GABRB3: variants seen among roughly 807,000 people sequenced by gnomAD.
GABRB3 encodes the protein gamma-aminobutyric acid type A receptor subunit beta3, also known as gamma-aminobutyric acid receptor subunit beta-3.
GABRB3 carries 14 observed loss-of-function variants against 52.1 expected under a neutral mutation model. The ratio of observed to expected loss-of-function variants is 0.27; its 90% CI spans 0.18 to 0.42. GABRB3 has a LOEUF of 0.42. GABRB3 is among the 10% of genes least tolerant of loss of function. GABRB3 has a pLI of 1.00. For synonymous variants in GABRB3, 260 were observed against 232.3 expected (o/e 1.12, Z -1.08); for missense variants, 307 against 609.1 (o/e 0.50, Z 5.22).
At chr15:26,673,819 T>A (rs1046631984) in intron 3 of GABRB3, among the ~76,000 whole-genome samples, 4 of 152,206 alleles carry the variant, frequency 2.6e-5, no homozygotes, top group Non-Finnish European at 5.9e-5. Context: ...TGGAATGGAA[T>A]AGAGCTAGAA....
intron 4 of GABRB3, among the ~76,000 whole-genome samples, chr15:26,608,734 T>C (rs528304499): frequency 1.3e-5 from 2 of 152,134 alleles, no homozygotes; most frequent in East Asian, 1.9e-4. Flanking sequence ...GAAACACAAA[T>C]TGAAACTACA....
chr15:26,709,785 G>C (rs529888868), intron 3 of GABRB3, among the ~76,000 whole-genome samples: 2 of 152,046 alleles, frequency 1.3e-5, no homozygotes, highest in South Asian at 4.2e-4. Context: ...CCAAAGTGCT[G>C]GGATTACAGG....
chr15:26,581,982 T>C (rs1458835151), intron 5 of GABRB3, among the ~76,000 whole-genome samples: 3 of 152,162 alleles, frequency 2.0e-5, no homozygotes, highest in African/African-American at 7.2e-5. Flanking sequence ...GGATAAACTT[T>C]GGGTTGATGA....
chr15:26,561,206 G>T (rs766326650), intron 7 of GABRB3, 30 bp from the exon 8 acceptor site: 1 of 1,611,860 alleles, frequency 6.2e-7, no homozygotes, highest in Non-Finnish European at 8.5e-7. Context: ...GTGAGAGGCT[G>T]AAACTTTGCC....
intron 3 of GABRB3, among the ~76,000 whole-genome samples, chr15:26,743,724 T>C (rs1890267978): frequency 6.6e-6 from 1 of 152,170 alleles, no homozygotes; most frequent in South Asian, 2.1e-4. Flanking sequence ...TTATAGTGAC[T>C]GTCTTCCCCA....
chr15:26,685,477 T>C (rs537549917), intron 3 of GABRB3, among the ~76,000 whole-genome samples: 1 of 152,306 alleles, frequency 6.6e-6, no homozygotes, highest in Admixed American at 6.5e-5. Flanking sequence ...GTTTTCTATA[T>C]TTCTGAAAAT....
intron 3 of GABRB3, among the ~76,000 whole-genome samples, chr15:26,718,942 C>T (rs1889572169): frequency 7.0e-6 from 1 of 142,354 alleles, no homozygotes; most frequent in South Asian, 2.3e-4. Flanking sequence ...GCCACTTCAC[C>T]CTCTGGTGTC....
intron 3 of GABRB3, among the ~76,000 whole-genome samples, chr15:26,675,613 G>A (rs536884424): frequency 1.4e-4 from 21 of 152,294 alleles, no homozygotes; most frequent in African/African-American, 4.6e-4. Flanking sequence ...TCCTGCAGCT[G>A]GGGAGGAAGG....
intron 3 of GABRB3, among the ~76,000 whole-genome samples, chr15:26,629,381 G>C (rs1369053237): frequency 6.6e-6 from 1 of 152,210 alleles, no homozygotes; most frequent in Non-Finnish European, 1.5e-5. Context: ...GGAGAACCTC[G>C]CCCTGGGAGG....
chr15:26,721,809 A>G (rs1024467080), intron 3 of GABRB3, among the ~76,000 whole-genome samples: 8 of 151,950 alleles, frequency 5.3e-5, no homozygotes, highest in Admixed American at 2.0e-4. Context: ...GAGTCAGTGG[A>G]GACACCAAGA....
In GABRB3 at chr15:26,685,156, C is replaced by T. The variant is rs552485332; in HGVS notation, c.241-63622G>A. Among the ~76,000 whole-genome samples the T allele has an allele frequency of 5.3e-5, 8 of 152,274 alleles. No individual in the cohort carries two copies. In the South Asian group the frequency reaches 1.5e-3, roughly 28 times the overall value. ...CAGGTGGTGACAAGTGAATTAACCA[C>T]GGGGCTTTGGTGGCTGCCTTCCCAC... On this transcript the variant is annotated intron_variant, in intron 3 of 8. Transcript: ENST00000311550.
intron 3 of GABRB3, among the ~76,000 whole-genome samples, chr15:26,647,993 C>T (rs1887066697): frequency 6.6e-6 from 1 of 152,208 alleles, no homozygotes; most frequent in South Asian, 2.1e-4. Flanking sequence ...TGGTAAAACA[C>T]ATCTAACAAG....
chr15:26,642,299 A>G (rs1893223537), intron 3 of GABRB3: 1 of 321,762 alleles, frequency 3.1e-6, no homozygotes, highest in South Asian at 2.7e-5. Context: ...TGTATGGTAT[A>G]CATGGGTTCC....
intron 3 of GABRB3, among the ~76,000 whole-genome samples, chr15:26,706,747 A>C (rs2140124902): frequency 6.6e-6 from 1 of 152,316 alleles, no homozygotes; most frequent in East Asian, 1.9e-4. Flanking sequence ...GTGTTTTTTC[A>C]TTCATTTATC....
chr15:26,618,727 G>A (rs1566777321), intron 4 of GABRB3, among the ~76,000 whole-genome samples: 1 of 151,886 alleles, frequency 6.6e-6, no homozygotes, highest in African/African-American at 2.4e-5. Context: ...AGAGTGAACA[G>A]GCAACCTACA....
chr15:26,632,402 A>G lies in GABRB3; in HGVS notation c.241-10868T>C, dbSNP rs140168666. Among the ~76,000 whole-genome samples the G allele has an allele frequency of 1.9e-3, 290 of 152,342 alleles. 6 individuals are homozygous for G. In the East Asian group the frequency reaches 0.037, roughly 19 times the overall value. On this transcript the variant is annotated intron_variant, in intron 3 of 8. Coordinates refer to ENST00000311550, the MANE Select transcript of GABRB3 (RefSeq NM_000814.6). ...TCTGAAAGGGCTGGTGAAAAGAGAT[A>G]TAAGTCTCCCAGGCCCCTAAAGCTA...
At chr15:26,551,907 A>G (rs1889481574) in intron 8 of GABRB3, among the ~76,000 whole-genome samples, 1 of 152,084 alleles carries the variant, frequency 6.6e-6, no homozygotes, top group Admixed American at 6.6e-5. Flanking sequence ...TGGGGAGGTG[A>G]GGAGGGCATT....
intron 3 of GABRB3, among the ~76,000 whole-genome samples, chr15:26,718,439 C>T (rs1486893810): frequency 6.6e-6 from 1 of 152,110 alleles, no homozygotes; most frequent in Admixed American, 6.5e-5. Context: ...GAACTCCCGA[C>T]CTCAGGTGAT....
At chr15:26,764,915 G>A (rs530837233) in intron 3 of GABRB3, among the ~76,000 whole-genome samples, 14 of 152,162 alleles carry the variant, frequency 9.2e-5, no homozygotes, top group African/African-American at 3.1e-4. Flanking sequence ...TGGATCACGA[G>A]GTCAGAAGAT....
Sources: allele counts gnomAD v4.1 joint callset (sites outside exome capture counted in the v4.1 genomes callset), GRCh38; gene constraint gnomAD v4.1.1; transcripts MANE v1.5; gene names NCBI Gene and HGNC (gene_info 2026-07-23, HGNC 2026-07-21).